Variants in ARL8B observed in about 807,000 individuals in gnomAD.
ARL8B encodes the protein ADP-ribosylation factor-like protein 8B.
Under a neutral mutation model 30.6 loss-of-function variants are expected in ARL8B, and 9 were observed. The observed-to-expected ratio is 0.29, with a 90% CI of 0.18 to 0.51. The LOEUF is 0.51. Among genes scored for constraint, ARL8B ranks in the 20% least tolerant of loss-of-function variants. The pLI, the probability that ARL8B is intolerant of heterozygous loss-of-function variation, is 0.97. For synonymous variants in ARL8B, 74 were observed against 76.0 expected, an observed-to-expected ratio of 0.97 and a Z score of 0.14; for missense variants, 130 against 227.2, an observed-to-expected ratio of 0.57 and a Z score of 2.75.
intron 1 of ARL8B, among the ~76,000 whole-genome samples, chr3:5,150,656 G>A (rs544998600): frequency 1.3e-5 from 2 of 152,108 alleles, no homozygotes; most frequent in South Asian, 4.1e-4. Context: ...GGTGGCACAT[G>A]CCTGTAATCC....
chr3:5,175,394 G>A (rs1247049054), intron 6 of ARL8B, among the ~76,000 whole-genome samples: 1 of 152,158 alleles, frequency 6.6e-6, no homozygotes, highest in African/African-American at 2.4e-5. Flanking sequence ...AATTTTTGCA[G>A]AGCTAGTATC....
At chr3:5,156,986 A>G (rs1294047987) in intron 1 of ARL8B, 1 of 152,196 alleles carries the variant, frequency 6.6e-6, no homozygotes, top group Non-Finnish European at 1.5e-5. Context: ...TGTTTTGGAT[A>G]CTTCGAGTAC....
intron 1 of ARL8B, among the ~76,000 whole-genome samples, chr3:5,146,140 T>G (rs1439078623): frequency 1.3e-5 from 2 of 152,160 alleles, no homozygotes; most frequent in Non-Finnish European, 2.9e-5. Context: ...ACAGTGGTAT[T>G]GTTGTTTTCT....
At chr3:5,122,720 G>A (rs2054192647) in intron 1 of ARL8B, 132 bp downstream of exon 1, 12 of 1,044,742 alleles carry the variant, frequency 1.1e-5, no homozygotes, top group Non-Finnish European at 1.6e-5. Flanking sequence ...AGCTGGGCCT[G>A]TCATCTCCCG....
At chr3:5,135,882 G>A (rs1452503261) in intron 1 of ARL8B, among the ~76,000 whole-genome samples, 1 of 151,108 alleles carries the variant, frequency 6.6e-6, no homozygotes, top group Admixed American at 6.6e-5. Flanking sequence ...CACCTCCCAG[G>A]TTCACGCGAT....
At chr3:5,157,578 C>T (rs1407307917) in intron 1 of ARL8B, among the ~76,000 whole-genome samples, 1 of 152,194 alleles carries the variant, frequency 6.6e-6, no homozygotes, top group Non-Finnish European at 1.5e-5. Flanking sequence ...CCACAGTTTT[C>T]TGGTCAGAGA....
At chr3:5,173,924 A>T in intron 4 of ARL8B, 93 bp from the exon 5 acceptor site, 1 of 951,506 alleles carries the variant, frequency 1.1e-6, no homozygotes, top group South Asian at 1.3e-5. Context: ...ATGTGTTAAC[A>T]TCTTAACTTT....
intron 1 of ARL8B, among the ~76,000 whole-genome samples, chr3:5,170,214 A>C (rs992266145): frequency 6.6e-6 from 1 of 152,214 alleles, no homozygotes; most frequent in Admixed American, 6.5e-5. Context: ...ACATTTAAAA[A>C]TTTTCGTATG....
At chr3:5,139,912 G>A (rs1296783105) in intron 1 of ARL8B, among the ~76,000 whole-genome samples, 1 of 151,980 alleles carries the variant, frequency 6.6e-6, no homozygotes, top group African/African-American at 2.4e-5. Context: ...AGGGCTCATA[G>A]GTCTTTCTGT....
intron 1 of ARL8B, among the ~76,000 whole-genome samples, chr3:5,125,448 G>A (rs529591063): frequency 4.9e-5 from 7 of 141,922 alleles, no homozygotes; most frequent in Middle Eastern, 3.5e-3. Flanking sequence ...CCCCTGCCCC[G>A]CCCCCACCAT....
chr3:5,137,814 C>A (rs1187291636), intron 1 of ARL8B, among the ~76,000 whole-genome samples: 1 of 152,098 alleles, frequency 6.6e-6, no homozygotes, highest in Admixed American at 6.5e-5. Flanking sequence ...GGTTCAAACT[C>A]CCGGCCTCAA....
intron 1 of ARL8B, among the ~76,000 whole-genome samples, chr3:5,127,562 G>C (rs1277606060): frequency 2.0e-5 from 3 of 152,156 alleles, no homozygotes; most frequent in Admixed American, 1.3e-4. Flanking sequence ...ATGATAATCT[G>C]TGGAAAGTAA....
Position 5,180,811 on chromosome 3 carries a change from C to T in ARL8B, c.*2098C>T, listed in dbSNP as rs961579964. The T allele has an allele frequency of 2.9e-5, 3 of 103,220 alleles. No individual in the cohort carries two copies. The highest frequency in any genetic ancestry group is 2.5e-4 in the East Asian group (1 of 4,006). The allele number at this position is 103,220 out of a possible 1,614,324, so 6.4% of individuals were successfully genotyped here. A position where few individuals can be genotyped will look rare whatever the true frequency, so the allele number is the denominator to read the frequency against. On this transcript the variant is annotated 3_prime_UTR_variant, in exon 7 of 7. Coordinates refer to ENST00000256496, the MANE Select transcript of ARL8B (RefSeq NM_018184.3). ...AGGTGCAGACTTTTTTGGAAGTTTC[C>T]GAGAGGAGGGTCTATAGACCATTTG...
chr3:5,174,054 C>T lies in ARL8B; in HGVS notation c.410C>T (p.Ala137Val), dbSNP rs1575575840. Residue 137 changes from alanine (A) to valine (V), a missense_variant, in exon 5 of 7, where the codon GCC (alanine) becomes GTC (valine). By Grantham distance (64) the Ala-to-Val change is moderately conservative. Transcript: ENST00000256496. ...GGAAACAAGAGAGATCTTCCTAATG[C>T]CTTGGATGAGAAACAGCTAATTGAA... ...VLGNKRDLPN[A>V]LDEKQLIEKM... The T allele has an allele frequency of 6.8e-6, 11 of 1,612,486 alleles. No homozygotes were observed. The highest frequency in any genetic ancestry group is 9.3e-6 in the Non-Finnish European group (11 of 1,178,932).
At chr3:5,159,602 C>CAAAAAAAAAAAAAA (rs71053495) in intron 1 of ARL8B, among the ~76,000 whole-genome samples, 5 of 77,062 alleles carry the variant, frequency 6.5e-5, no homozygotes, top group Admixed American at 1.6e-4. Flanking sequence ...AACTCCGTCT[C>CAAAAAAAAAAAAAA]AAAAAAAAAA....
intron 1 of ARL8B, among the ~76,000 whole-genome samples, chr3:5,125,806 T>G (rs774496518): frequency 6.6e-6 from 1 of 152,184 alleles, no homozygotes; most frequent in African/African-American, 2.4e-5. Flanking sequence ...ATGCTGGGAT[T>G]ACAGGCGTGA....
intron 1 of ARL8B, among the ~76,000 whole-genome samples, chr3:5,153,946 C>T (rs944111550): frequency 4.6e-5 from 7 of 151,674 alleles, no homozygotes; most frequent in African/African-American, 1.7e-4. Context: ...TTTTCCCCCT[C>T]CAGCACTTCG....
At chr3:5,126,086 G>A (rs915897349) in intron 1 of ARL8B, among the ~76,000 whole-genome samples, 3 of 150,076 alleles carry the variant, frequency 2.0e-5, no homozygotes, top group Non-Finnish European at 3.0e-5. Context: ...CTTTTAAGAT[G>A]CTGAAAGGGA....
At chr3:5,158,860 C>G (rs1393972957) in intron 1 of ARL8B, among the ~76,000 whole-genome samples, 1 of 152,100 alleles carries the variant, frequency 6.6e-6, no homozygotes, top group African/African-American at 2.4e-5. Flanking sequence ...AAAGATTAGG[C>G]TTTTTAAATT....
Sources: gnomAD v4.1 joint callset for allele counts (sites outside exome capture counted in the v4.1 genomes callset) on GRCh38, gnomAD v4.1.1 for gene constraint, MANE v1.5 for transcripts, NCBI Gene and HGNC (gene_info 2026-07-23, HGNC 2026-07-21) for gene names.